ZNF333: variants seen among roughly 807,000 people sequenced by gnomAD.
ZNF333 encodes the protein zinc finger protein 333.
ZNF333 carries 61 observed loss-of-function variants against 76.1 expected under a neutral mutation model. The observed-to-expected ratio is 0.80, with a 90% CI of 0.65 to 0.99. The LOEUF is 0.99. ZNF333 is among the 50% of genes least tolerant of loss of function. The probability of loss-of-function intolerance (pLI) is 0.00; values close to 1 mark genes in which losing one functional copy is unlikely to be tolerated. For synonymous variants in ZNF333, 284 were observed against 305.0 expected, an observed-to-expected ratio of 0.93 and a Z score of 0.72; for missense variants, 717 against 822.4, an observed-to-expected ratio of 0.87 and a Z score of 1.57.
chr19:14,701,699 G>T, intron 5 of ZNF333: 3 of 985,448 alleles, frequency 3.0e-6, no homozygotes, highest in Non-Finnish European at 3.6e-6. Flanking sequence ...GCCCTCCACA[G>T]AACTCCACAC....
At chr19:14,715,314 A>C (rs1056548647) in intron 7 of ZNF333, 68 bp from the exon 8 acceptor site, 15 of 1,439,342 alleles carry the variant, frequency 1.0e-5, no homozygotes, top group Middle Eastern at 2.2e-4. Context: ...GGGTGGGCAG[A>C]CTTGGGGCCT....
intron 4 of ZNF333, 120 bp from the exon 5 acceptor site, chr19:14,699,079 G>T: frequency 3.1e-6 from 2 of 651,170 alleles, no homozygotes; most frequent in Non-Finnish European, 5.1e-6. Flanking sequence ...AACATTAAAA[G>T]AAAAAGCCTA....
chr19:14,728,068 C>A (rs930293764), intron 11 of ZNF333, among the ~76,000 whole-genome samples: 10 of 152,130 alleles, frequency 6.6e-5, no homozygotes, highest in African/African-American at 2.2e-4. Context: ...TGAAAATTAG[C>A]CGGGTGTGGT....
At chr19:14,708,588 T>G (rs1192847222) in intron 7 of ZNF333, 6 of 376,296 alleles carry the variant, frequency 1.6e-5, no homozygotes, top group Non-Finnish European at 2.8e-5. Context: ...GCAGCACTGC[T>G]GATAATGGGC....
intron 11 of ZNF333, among the ~76,000 whole-genome samples, chr19:14,729,293 C>T (rs1411320401): frequency 1.3e-5 from 2 of 152,116 alleles, no homozygotes; most frequent in Non-Finnish European, 2.9e-5. Context: ...GACTGTTGAG[C>T]AGCATCCCTG....
chr19:14,728,899 G>A (rs771081721), intron 11 of ZNF333, among the ~76,000 whole-genome samples: 1 of 152,194 alleles, frequency 6.6e-6, no homozygotes. Context: ...CTGCCTCCAT[G>A]TCCTTCCCCC....
chr19:14,697,996 C>G (rs1973345584), intron 4 of ZNF333, among the ~76,000 whole-genome samples: 1 of 152,194 alleles, frequency 6.6e-6, no homozygotes, highest in Admixed American at 6.5e-5. Context: ...AATTGCCTCT[C>G]ATTTTCCCCT....
rs1251492736 is a variant in ZNF333, at chr19:14,693,609, G to C, written c.3+115G>C. ...GTCCCCAACTGAGGAAGAAAGGGAA[G>C]GGTGAGTGAGGAGCATCCTCATCCC... On this transcript the variant is annotated intron_variant, in intron 2 of 11. Coordinates refer to ENST00000292530, the MANE Select transcript of ZNF333 (RefSeq NM_032433.4). The C allele has an allele frequency of 3.9e-6, 5 of 1,291,098 alleles. No homozygotes were observed. In the East Asian group the frequency reaches 1.2e-4, roughly 32 times the overall value. The allele number at this position is 1,291,098 out of a possible 1,614,324, so 80.0% of individuals were successfully genotyped here.
intron 5 of ZNF333, chr19:14,701,879 C>T (rs980234328): frequency 4.1e-6 from 4 of 985,580 alleles, no homozygotes; most frequent in Non-Finnish European, 3.6e-6. Flanking sequence ...TGAAGACATC[C>T]AGCCCGTGAG....
Position 14,720,832 on chromosome 19 carries a change from C to T in ZNF333, c.*1507C>T, listed in dbSNP as rs1568561743. Reference sequence around the variant, plus strand: ...TTGAGAGAGGTATGTTAAACTCTCCCACCATGATTATGTATTGCTGAAAAA... The same window carrying T: ...TTGAGAGAGGTATGTTAAACTCTCCTACCATGATTATGTATTGCTGAAAAA... On this transcript the variant is annotated 3_prime_UTR_variant, in exon 12 of 12. Transcript: ENST00000292530. 2.7e-5 allele frequency: 26 copies of T among 976,128 alleles called. No homozygotes were observed. Among genetic ancestry groups the T allele is most frequent in the Non-Finnish European group, 2.7e-5 (22 of 821,542 alleles). The allele number at this position is 976,128 out of a possible 1,614,324, so 60.5% of individuals were successfully genotyped here. A position where few individuals can be genotyped will look rare whatever the true frequency, so the allele number is the denominator to read the frequency against.
intron 10 of ZNF333, 116 bp downstream of exon 10, chr19:14,717,205 T>G (rs926396310): frequency 4.0e-5 from 31 of 768,316 alleles, no homozygotes; most frequent in Non-Finnish European, 6.0e-5. Flanking sequence ...GCCTGTTTGG[T>G]TGAGCTCCCT....
intron 7 of ZNF333, among the ~76,000 whole-genome samples, chr19:14,711,133 C>T (rs1316373954): frequency 1.3e-5 from 2 of 152,142 alleles, no homozygotes; most frequent in African/African-American, 2.4e-5. Flanking sequence ...TGGGGATTAA[C>T]GTTTTGGTGT....
At chr19:14,713,801 TAAAA>T (rs958912290) in intron 7 of ZNF333, among the ~76,000 whole-genome samples, 6 of 149,140 alleles carry the variant, frequency 4.0e-5, no homozygotes, top group Admixed American at 6.7e-5. Flanking sequence ...TCTAAAAAAA[TAAAA>T]AAAAAATTAA....
chr19:14,704,310 A>C (rs1436231072), intron 5 of ZNF333, among the ~76,000 whole-genome samples: 1 of 151,810 alleles, frequency 6.6e-6, no homozygotes, highest in South Asian at 2.1e-4. Context: ...TTTAAGACAC[A>C]ATCTCGCTCT....
At chr19:14,711,933 G>T (rs1258657624) in intron 7 of ZNF333, among the ~76,000 whole-genome samples, 1 of 151,976 alleles carries the variant, frequency 6.6e-6, no homozygotes, top group African/African-American at 2.4e-5. Flanking sequence ...GAGAGAAGGG[G>T]CTCTTTCTAC....
downstream of ZNF333, among the ~76,000 whole-genome samples, chr19:14,724,263 A>G (rs1028937567): frequency 3.3e-5 from 5 of 152,236 alleles, no homozygotes; most frequent in African/African-American, 1.2e-4. Flanking sequence ...AAATACACAC[A>G]CTTTAGAAGG....
At chr19:14,704,965 G>A in intron 5 of ZNF333, 89 bp from the exon 6 acceptor site, 1 of 1,291,508 alleles carries the variant, frequency 7.7e-7, no homozygotes, top group Non-Finnish European at 1.1e-6. Context: ...ACTTCTGGCA[G>A]CCCTAAGCCC....
chr19:14,714,432 T>C (rs1409192268), intron 7 of ZNF333, among the ~76,000 whole-genome samples: 1 of 152,114 alleles, frequency 6.6e-6, no homozygotes, highest in Non-Finnish European at 1.5e-5. Flanking sequence ...CAAGTGTCGA[T>C]GGCCGCCACC....
intron 5 of ZNF333, among the ~76,000 whole-genome samples, chr19:14,704,306 A>G (rs1221492133): frequency 6.6e-6 from 1 of 151,806 alleles, no homozygotes; most frequent in Non-Finnish European, 1.5e-5. Context: ...TTTTTTTAAG[A>G]CACAATCTCG....
Sources: allele counts gnomAD v4.1 joint callset (sites outside exome capture counted in the v4.1 genomes callset), GRCh38; gene constraint gnomAD v4.1.1; transcripts MANE v1.5; gene names NCBI Gene and HGNC (gene_info 2026-07-23, HGNC 2026-07-21).